Variants in SPAG1 observed in about 807,000 individuals in gnomAD.
SPAG1 encodes sperm-associated antigen 1.
A neutral mutation model predicts 100.5 loss-of-function variants in SPAG1; 69 were observed. That is an observed-to-expected ratio of 0.69 (90% CI 0.57 to 0.84). The LOEUF (loss-of-function observed/expected upper bound fraction) is 0.84. Ranked by LOEUF, SPAG1 falls within the 40% of genes least tolerant of loss-of-function variation. SPAG1 has a pLI of 0.00. For synonymous variants in SPAG1, 336 were observed against 411.6 expected (o/e 0.82, Z 2.22); for missense variants, 955 against 1,133.1 (o/e 0.84, Z 2.26).
chr8:100,200,631 T>C (rs1817235601), intron 10 of SPAG1, among the ~76,000 whole-genome samples: 2 of 152,232 alleles, frequency 1.3e-5, no homozygotes, highest in Non-Finnish European at 2.9e-5. Flanking sequence ...TTTTTAATGA[T>C]TGCCATTCTA....
chr8:100,238,212 T>C (rs1295337702), intron 16 of SPAG1, among the ~76,000 whole-genome samples: 1 of 152,216 alleles, frequency 6.6e-6, no homozygotes, highest in Non-Finnish European at 1.5e-5. Context: ...AGTGCTGGTC[T>C]AGGACAGTGG....
chr8:100,237,490 AT>A (rs1221588416), intron 16 of SPAG1, among the ~76,000 whole-genome samples: 2 of 152,242 alleles, frequency 1.3e-5, no homozygotes, highest in African/African-American at 2.4e-5. Context: ...AGTTTTCTCC[AT>A]GACATCAATG....
At chr8:100,181,500 G>A (rs1408882666) in intron 4 of SPAG1, among the ~76,000 whole-genome samples, 1 of 152,168 alleles carries the variant, frequency 6.6e-6, no homozygotes, top group East Asian at 1.9e-4. Context: ...CACAGGAAGT[G>A]GTTGGCATAA....
At chr8:100,214,014 A>G (rs1817859281) in intron 12 of SPAG1, 96 bp downstream of exon 12, 4 of 640,262 alleles carry the variant, frequency 6.2e-6, no homozygotes, top group Admixed American at 5.7e-5. Flanking sequence ...CTAAGGATCT[A>G]ATTTCTTAAG....
intron 10 of SPAG1, among the ~76,000 whole-genome samples, chr8:100,201,127 C>CT (rs375779409): frequency 7.9e-5 from 12 of 151,134 alleles, no homozygotes; most frequent in Non-Finnish European, 1.6e-4. Context: ...TCCTTCCTTC[C>CT]TTTTTTTAGA....
chr8:100,234,302 T>C lies in SPAG1; in HGVS notation c.2115+765T>C, dbSNP rs111656275. ...TGACTTTTGGTATGTGCATATCCTC[T>C]TGTAGCCAATATCCCAATCGAGATA... On this transcript the variant is annotated intron_variant, in intron 16 of 18. Coordinates refer to ENST00000388798, the MANE Select transcript of SPAG1 (RefSeq NM_003114.5). Among the ~76,000 whole-genome samples, 80 of 152,338 alleles carry C rather than the reference T, an allele frequency of 5.3e-4. 1 individual carries two copies. Among genetic ancestry groups the C allele is most frequent in the Middle Eastern group, 3.4e-3 (1 of 294 alleles).
intron 14 of SPAG1, among the ~76,000 whole-genome samples, chr8:100,230,367 C>T (rs537488536): frequency 2.0e-4 from 31 of 152,266 alleles, no homozygotes; most frequent in African/African-American, 3.9e-4. Context: ...CTGAAGTGCT[C>T]GTGTACCACT....
At chr8:100,240,308 T>G in intron 17 of SPAG1, 95 bp from the exon 18 acceptor site, 1 of 1,210,336 alleles carries the variant, frequency 8.3e-7, no homozygotes, top group Middle Eastern at 2.9e-4. Flanking sequence ...TACAGTCTAC[T>G]TGTAGTTTTC....
At position 100,162,431 on chromosome 8, in the gene SPAG1, T is replaced by A. The variant is rs1431107041; in HGVS notation, c.140+11T>A. 2 of 1,557,900 alleles carry A rather than the reference T, an allele frequency of 1.3e-6. No individual in the cohort carries two copies. The highest frequency in any genetic ancestry group is 1.7e-6 in the Non-Finnish European group (2 of 1,155,176). ...TCTTTGCGTGCTCAGGTAAGCATTT[T>A]AAAATCATTACATGTTTTAGTATGA... On this transcript the variant is annotated intron_variant, in intron 2 of 18. Transcript: ENST00000388798.
At chr8:100,176,776 C>T (rs1027084875) in intron 3 of SPAG1, among the ~76,000 whole-genome samples, 7 of 151,614 alleles carry the variant, frequency 4.6e-5, no homozygotes, top group Admixed American at 3.3e-4. Flanking sequence ...ATGGTGTAGC[C>T]GCAGTGATGC....
At chr8:100,222,439 C>T (rs976536874) in intron 13 of SPAG1, among the ~76,000 whole-genome samples, 1 of 152,176 alleles carries the variant, frequency 6.6e-6, no homozygotes, top group Admixed American at 6.5e-5. Flanking sequence ...TAGACGTCCT[C>T]AATAAAAATG....
At chr8:100,190,663 CTTTTTTTTTT>C (rs758612610) in intron 8 of SPAG1, among the ~76,000 whole-genome samples, 10 of 111,808 alleles carry the variant, frequency 8.9e-5, no homozygotes, top group Non-Finnish European at 1.2e-4. Context: ...CTTTTTTTTT[CTTTTTTTTTT>C]TTTTTTTTGG....
intron 10 of SPAG1, among the ~76,000 whole-genome samples, chr8:100,201,840 G>T (rs1817288730): frequency 6.6e-6 from 1 of 152,204 alleles, no homozygotes; most frequent in Admixed American, 6.5e-5. Context: ...CCTGGAAGGT[G>T]CCTGGCCACC....
chr8:100,176,041 T>C (rs1816097237), intron 3 of SPAG1, among the ~76,000 whole-genome samples: 1 of 152,086 alleles, frequency 6.6e-6, no homozygotes, highest in South Asian at 2.1e-4. Context: ...TAAATATCCT[T>C]TGTGGCATTT....
chr8:100,162,256 A>C, intron 1 of SPAG1, 23 bp from the exon 2 acceptor site: 1 of 1,539,290 alleles, frequency 6.5e-7, no homozygotes, highest in Non-Finnish European at 8.8e-7. Flanking sequence ...TTAGATTAAT[A>C]ACTTTTAAAT....
intron 3 of SPAG1, among the ~76,000 whole-genome samples, chr8:100,168,869 T>G (rs1353843991): frequency 1.1e-4 from 16 of 151,794 alleles, no homozygotes; most frequent in Non-Finnish European, 1.5e-5. Flanking sequence ...GTATTTTTAG[T>G]AGAGACAAGG....
chr8:100,186,353 G>C (rs1015905997), intron 7 of SPAG1, among the ~76,000 whole-genome samples: 11 of 152,094 alleles, frequency 7.2e-5, no homozygotes, highest in African/African-American at 2.4e-4. Context: ...TTACAGGGGT[G>C]AGCCACCATG....
chr8:100,204,746 A>G (rs994463297), intron 10 of SPAG1, among the ~76,000 whole-genome samples: 3 of 152,144 alleles, frequency 2.0e-5, no homozygotes, highest in Non-Finnish European at 4.4e-5. Flanking sequence ...TGTAAAATAG[A>G]TTTGTGAGGG....
intron 10 of SPAG1, among the ~76,000 whole-genome samples, chr8:100,201,318 T>A (rs1380525302): frequency 6.6e-6 from 1 of 151,810 alleles, no homozygotes; most frequent in Admixed American, 6.6e-5. Context: ...GAGACAGGGG[T>A]CTCACTTCGT....
Sources: gnomAD v4.1 joint callset for allele counts (sites outside exome capture counted in the v4.1 genomes callset) on GRCh38, gnomAD v4.1.1 for gene constraint, MANE v1.5 for transcripts, NCBI Gene and HGNC (gene_info 2026-07-23, HGNC 2026-07-21) for gene names.